SNX6: variants seen among roughly 807,000 people sequenced by gnomAD.
The protein encoded by SNX6 is sorting nexin-6.
Under a neutral mutation model 63.0 loss-of-function variants are expected in SNX6, and 34 were observed. That is an observed-to-expected ratio of 0.54 (90% confidence interval 0.41 to 0.72). The LOEUF (loss-of-function observed/expected upper bound fraction) is 0.72. SNX6 is among the 30% of genes least tolerant of loss of function. The pLI is 0.00. For synonymous variants in SNX6, 170 were observed against 164.2 expected (o/e 1.04, Z -0.27); for missense variants, 398 against 471.4 (o/e 0.84, Z 1.44).
In SNX6 at chr14:34,629,911, CG is replaced by C; in HGVS notation, c.49del (p.Arg17AlafsTer6). ...DGPDFLSEED[R>X]GLKAINVDLQ... ...CGAAAGGAAGGCAGAACTTACTCCG[CG>C]GTCCTCTTCTGAGAGGAAGTCCGGG... is the stretch of plus-strand genomic sequence containing the variant. On this transcript the variant is annotated frameshift_variant, in exon 2 of 14. Transcript: ENST00000362031. LOFTEE classifies it high-confidence loss of function. The C allele has an allele frequency of 6.4e-7, 1 of 1,555,522 alleles. No individual in the cohort carries two copies. Among genetic ancestry groups the C allele is most frequent in the Non-Finnish European group, 8.7e-7 (1 of 1,150,896 alleles).
At chr14:34,578,363 G>A (rs1881793974) in intron 10 of SNX6, among the ~76,000 whole-genome samples, 2 of 151,960 alleles carry the variant, frequency 1.3e-5, no homozygotes, top group South Asian at 4.1e-4. Context: ...ACCTTAATAA[G>A]GCTCATGCCT....
chr14:34,595,036 G>A (rs1882544140), intron 7 of SNX6, among the ~76,000 whole-genome samples: 2 of 152,118 alleles, frequency 1.3e-5, no homozygotes, highest in Non-Finnish European at 2.9e-5. Flanking sequence ...AGGTTGCAGT[G>A]AGCCGAGATT....
chr14:34,611,549 C>T (rs1594743135), intron 2 of SNX6, among the ~76,000 whole-genome samples: 2 of 150,852 alleles, frequency 1.3e-5, no homozygotes, highest in Admixed American at 1.3e-4. Flanking sequence ...TTTGGCAGGC[C>T]GAGGCAGGTG....
At chr14:34,595,686 A>G (rs902008137) in intron 7 of SNX6, among the ~76,000 whole-genome samples, 2 of 152,250 alleles carry the variant, frequency 1.3e-5, no homozygotes, top group African/African-American at 4.8e-5. Context: ...CAGCCACAGC[A>G]CATGCACTGT....
chr14:34,603,577 C>G (rs1882907067), intron 5 of SNX6, 106 bp from the exon 6 acceptor site: 1 of 904,002 alleles, frequency 1.1e-6, no homozygotes, highest in African/African-American at 1.7e-5. Flanking sequence ...GAATGCAAAT[C>G]AGAGATACAA....
intron 9 of SNX6, among the ~76,000 whole-genome samples, chr14:34,583,916 C>T (rs1433263015): frequency 6.7e-6 from 1 of 148,892 alleles, no homozygotes; most frequent in Non-Finnish European, 1.5e-5. Flanking sequence ...GGCGCAATCT[C>T]GGCTCACTGC....
chr14:34,623,336 G>T (rs1883698902), intron 2 of SNX6, among the ~76,000 whole-genome samples: 1 of 152,068 alleles, frequency 6.6e-6, no homozygotes, highest in Non-Finnish European at 1.5e-5. Flanking sequence ...CTTGGGCAAT[G>T]GGGAGTAGAC....
At chr14:34,575,930 G>GT (rs34357905) in intron 10 of SNX6, 88 bp from the exon 11 acceptor site, 185,090 of 513,060 alleles carry the variant, frequency 0.36, 17,099 homozygotes, top group African/African-American at 0.41. Flanking sequence ...TTGTTTTTTT[G>GT]TTTTTTTTTT....
chr14:34,626,375 C>A (rs1883823130), intron 2 of SNX6, among the ~76,000 whole-genome samples: 1 of 151,910 alleles, frequency 6.6e-6, no homozygotes, highest in East Asian at 1.9e-4. Context: ...GTCTCTGGGG[C>A]CAGGCACGGT....
At chr14:34,574,803 C>T (rs1881620078) in intron 11 of SNX6, among the ~76,000 whole-genome samples, 1 of 151,860 alleles carries the variant, frequency 6.6e-6, no homozygotes, top group Non-Finnish European at 1.5e-5. Flanking sequence ...GGTGATCCAC[C>T]CGCCTCGGCC....
intron 5 of SNX6, among the ~76,000 whole-genome samples, chr14:34,605,277 C>T (rs1400495702): frequency 6.6e-6 from 1 of 151,492 alleles, no homozygotes; most frequent in Non-Finnish European, 1.5e-5. Flanking sequence ...TTCTCTATTT[C>T]TTTTTCCCCT....
At chr14:34,605,768 C>G in intron 4 of SNX6, 51 bp from the exon 5 acceptor site, 1 of 1,577,010 alleles carries the variant, frequency 6.3e-7, no homozygotes, top group Non-Finnish European at 8.6e-7. Context: ...TTTCTTGAAG[C>G]ATTGTACTAC....
At chr14:34,578,798 G>A (rs1211571762) in intron 10 of SNX6, among the ~76,000 whole-genome samples, 1 of 150,962 alleles carries the variant, frequency 6.6e-6, no homozygotes, top group African/African-American at 2.4e-5. Context: ...AATTAGCTGG[G>A]CATGGAGGCG....
chr14:34,613,059 A>C (rs1469651875), intron 2 of SNX6, among the ~76,000 whole-genome samples: 1 of 151,052 alleles, frequency 6.6e-6, no homozygotes, highest in African/African-American at 2.4e-5. Flanking sequence ...AAAAAAAAAA[A>C]CTGACACAGG....
At chr14:34,585,427 G>A (rs1312436820) in intron 9 of SNX6, among the ~76,000 whole-genome samples, 2 of 152,008 alleles carry the variant, frequency 1.3e-5, no homozygotes, top group Non-Finnish European at 1.5e-5. Context: ...AGCTGAGGTG[G>A]GAGAACTGCT....
intron 7 of SNX6, among the ~76,000 whole-genome samples, chr14:34,597,113 T>C (rs998393144): frequency 6.6e-6 from 1 of 152,274 alleles, no homozygotes; most frequent in Admixed American, 6.5e-5. Context: ...GAGGACTTCA[T>C]GTGCATGTGG....
chr14:34,618,012 C>T (rs7161203), intron 2 of SNX6, among the ~76,000 whole-genome samples: 1 of 151,996 alleles, frequency 6.6e-6, no homozygotes. Context: ...ATCCCTAAGA[C>T]GTCAGTTGTT....
Position 34,605,667 on chromosome 14 carries a change from T to C in SNX6, c.321A>G (p.Leu107=), listed in dbSNP as rs1247678267. ...ACCCTTCTCCTTCACCAAGCTTCTG[T>C]AGTTTTTCCCTTGAAGCATCAAAAT... ...RPDFDASREK[L]QKLGEGEGSM... The change falls in exon 5 of 14, where the codon CTA becomes CTG. Residue 107 remains leucine (L), a synonymous_variant. Coordinates refer to ENST00000362031, the MANE Select transcript of SNX6 (RefSeq NM_152233.4). The C allele has an allele frequency of 6.2e-7, 1 of 1,611,938 alleles. No homozygotes were observed. The highest frequency in any genetic ancestry group is 1.7e-5 in the Admixed American group (1 of 59,632).
rs199714564 is a variant in SNX6 at position 34,578,635 on chromosome 14, A to G, written c.835-2793T>C. Among the ~76,000 whole-genome samples, 288 of 94,912 alleles carry G rather than the reference A, an allele frequency of 3.0e-3. 3 individuals carry two copies. Among genetic ancestry groups the G allele is most frequent in the Admixed American group, 6.5e-3 (62 of 9,470 alleles). The allele number at this position is 94,912 out of a possible 152,430, so 62.3% of individuals were successfully genotyped here. ...ACAGAGTGAGATCTGTCTCAAAAAG[A>G]AAAAAAAAAAAAAAAAGTTAAGGGG... On this transcript the variant is annotated intron_variant, in intron 10 of 13. Transcript: ENST00000362031.
Sources: allele counts gnomAD v4.1 joint callset (sites outside exome capture counted in the v4.1 genomes callset), GRCh38; gene constraint gnomAD v4.1.1; transcripts MANE v1.5; gene names NCBI Gene and HGNC (gene_info 2026-07-23, HGNC 2026-07-21).